MCRIP1: variants seen among roughly 807,000 people sequenced by gnomAD.
MCRIP1 encodes the protein mapk-regulated corepressor-interacting protein 1.
MCRIP1 carries 10 observed loss-of-function variants against 14.4 expected under a neutral mutation model. The ratio of observed to expected loss-of-function variants is 0.70; its 90% CI spans 0.43 to 1.18. The LOEUF is 1.18. MCRIP1 is among the 50% of genes most tolerant of loss of function. The pLI, the probability that MCRIP1 is intolerant of heterozygous loss-of-function variation, is 0.00. For synonymous variants in MCRIP1, 53 were observed against 55.7 expected (o/e 0.95, Z 0.21); for missense variants, 119 against 135.4 (o/e 0.88, Z 0.60).
chr17:81,825,477 A>T, intron 1 of MCRIP1: 1 of 1,201,950 alleles, frequency 8.3e-7, no homozygotes, highest in Non-Finnish European at 1.1e-6. Flanking sequence ...CTTTGAGCAC[A>T]AGCAACTCCC....
chr17:81,824,868 G>GTTTTTTCAT, intron 1 of MCRIP1: 1 of 1,262,488 alleles, frequency 7.9e-7, no homozygotes, highest in Admixed American at 3.9e-5. Flanking sequence ...CCCCAGCACC[G>GTTTTTTCAT]GGAGCACTGT....
chr17:81,826,231 AC>A (rs2038392600), intron 1 of MCRIP1: 1 of 1,353,754 alleles, frequency 7.4e-7, no homozygotes, highest in Non-Finnish European at 1.0e-6. Context: ...GTGTGCACAC[AC>A]ACACACACAC....
rs1252459676 is a variant in MCRIP1 at position 81,823,463 on chromosome 17, G to A, written c.178C>T (p.Arg60Trp). The change falls in exon 4 of 5, where the codon CGG becomes TGG. Residue 60 changes from arginine (R) to tryptophan (W), a missense_variant. Coordinates refer to ENST00000455127, the MANE Select transcript of MCRIP1 (RefSeq NM_207368.5). This position sits in a 1 kb window ranked among gnomAD's most constrained non-coding sequence, Gnocchi z 6.0. ...DLRGQVPGGERGLVEEYVEKV... is the reference protein window; with the variant it reads ...DLRGQVPGGEWGLVEEYVEKV... ...TCCACATACTCCTCCACCAGGCCCC[G>A]CTCGCCACCCGGCACCTGGCCTCGC... 8.5e-6 allele frequency: 13 copies of A among 1,536,506 alleles called. No individual in the cohort carries two copies. Among genetic ancestry groups the A allele is most frequent in the East Asian group, 4.9e-5 (2 of 40,894 alleles).
chr17:81,823,530 T>G lies in MCRIP1; in HGVS notation c.128-17A>C, dbSNP rs562382918. The G allele has an allele frequency of 3.3e-6, 5 of 1,534,548 alleles. No individual in the cohort carries two copies. Among genetic ancestry groups the G allele is most frequent in the Non-Finnish European group, 4.4e-6 (5 of 1,145,906 alleles). On this transcript the variant is annotated splice_polypyrimidine_tract_variant and intron_variant, in intron 3 of 4. Transcript: ENST00000455127. This position sits in a 1 kb window ranked among gnomAD's most constrained non-coding sequence, Gnocchi z 6.0. ...CCTGCCAGGCTGCAGAGGCAGAGAG[T>G]GGTGTGCTCAGGGCCCCCTGCCCCA...
rs370914317 is a variant in MCRIP1, at chr17:81,823,374, G to A, written c.229+38C>T. On this transcript the variant is annotated intron_variant, in intron 4 of 4. Coordinates refer to ENST00000455127, the MANE Select transcript of MCRIP1 (RefSeq NM_207368.5). The surrounding 1 kb of genome is among the most constrained non-coding windows in gnomAD (Gnocchi z 6.0). ...CCCTCCTGCCCATGAGGCCCGGCCTGCCGGCCCAGCCCTGCCCCCAGGTCA... is the reference window on the plus strand; with the variant it reads ...CCCTCCTGCCCATGAGGCCCGGCCTACCGGCCCAGCCCTGCCCCCAGGTCA... 9 of 1,535,738 alleles carry A rather than the reference G, an allele frequency of 5.9e-6. No individual in the cohort carries two copies. The highest frequency in any genetic ancestry group is 7.9e-6 in the Non-Finnish European group (9 of 1,146,098).
intron 1 of MCRIP1, chr17:81,826,548 G>A (rs1050766237): frequency 1.8e-5 from 11 of 606,754 alleles, no homozygotes; most frequent in African/African-American, 1.5e-4. Flanking sequence ...GCCCAGGCAC[G>A]GTGGCTCACG....
At position 81,823,275 on chromosome 17, in the gene MCRIP1, C is replaced by T. The variant is rs1334571454; in HGVS notation, c.266G>A (p.Arg89Gln). ...GGACTTCTTGGCATCCTGCGTGCTCCGGCGCTTCAGGTCACTCAGGTCGAT... is the reference window on the plus strand; with the variant it reads ...GGACTTCTTGGCATCCTGCGTGCTCTGGCGCTTCAGGTCACTCAGGTCGAT... ...KPIDLSDLKR[R>Q]STQDAKKS The change falls in exon 5 of 5, where the codon CGG (arginine) becomes CAG (glutamine). Residue 89 changes from arginine to glutamine, a missense_variant. Transcript: ENST00000455127. This position sits in a 1 kb window ranked among gnomAD's most constrained non-coding sequence, Gnocchi z 6.0. 42 of 1,536,754 alleles carry T rather than the reference C, an allele frequency of 2.7e-5. No individual in the cohort carries two copies. The highest frequency in any genetic ancestry group is 3.4e-4 in the Middle Eastern group (2 of 5,938).
rs940095237 is a variant in MCRIP1 at position 81,825,109 on chromosome 17, G to C, written c.-48-555C>G. On this transcript the variant is annotated intron_variant, in intron 1 of 4. Transcript: ENST00000455127. Reference sequence around the variant, plus strand: ...GGCACCTACCCAGGTCCAGCTTCCTGGTTCCCTAGAGCATGAGCCACATCA... The same window carrying C: ...GGCACCTACCCAGGTCCAGCTTCCTCGTTCCCTAGAGCATGAGCCACATCA... The C allele has an allele frequency of 4.9e-6, 5 of 1,013,260 alleles. No individual in the cohort carries two copies. The African/African-American group carries it at 6.9e-5, about 14-fold the overall frequency. The allele number at this position is 1,013,260 out of a possible 1,614,324, so 62.8% of individuals were successfully genotyped here.
intron 1 of MCRIP1, among the ~76,000 whole-genome samples, chr17:81,831,791 T>C (rs1288546272): frequency 6.6e-6 from 1 of 152,122 alleles, no homozygotes; most frequent in Non-Finnish European, 1.5e-5. Flanking sequence ...CTGCCTCCAC[T>C]CTGCCTGCAC....
At position 81,823,567 on chromosome 17, in the gene MCRIP1, C is replaced by T; in HGVS notation, c.128-54G>A. 6.9e-7 allele frequency: 1 copy of T among 1,449,578 alleles called. No individual in the cohort carries two copies. Among genetic ancestry groups the T allele is most frequent in the Non-Finnish European group, 9.3e-7 (1 of 1,070,086 alleles). 89.8% of individuals were successfully genotyped at this position (1,449,578 alleles called of 1,614,324 possible). On this transcript the variant is annotated intron_variant, in intron 3 of 4. Transcript: ENST00000455127. This position sits in a 1 kb window ranked among gnomAD's most constrained non-coding sequence, Gnocchi z 6.0. ...GGCCCCCTGCCCCAGGGGGTGGCAT[C>T]CACGTCACGAGAGTGCCTGCCCTCA...
Position 81,822,923 on chromosome 17 carries a change from G to A in MCRIP1, c.*324C>T, listed in dbSNP as rs1387230074. 5 of 515,068 alleles carry A rather than the reference G, an allele frequency of 9.7e-6. No individual in the cohort carries two copies. The highest frequency in any genetic ancestry group is 1.8e-5 in the Non-Finnish European group (5 of 285,624). The allele number at this position is 515,068 out of a possible 1,614,324, so 31.9% of individuals were successfully genotyped here. ...CCTCCTGATCCTGCAGTGGCCAGGG[G>A]CAGGAGGGTGAGGGGAGAGGAGAGA... On this transcript the variant is annotated 3_prime_UTR_variant, in exon 5 of 5. Transcript: ENST00000455127.
intron 1 of MCRIP1, chr17:81,825,546 C>G: frequency 7.8e-7 from 1 of 1,282,630 alleles, no homozygotes; most frequent in Non-Finnish European, 1.0e-6. Context: ...GCAGCCCTCA[C>G]AGAGGGCCAG....
intron 1 of MCRIP1, chr17:81,824,962 C>A: frequency 3.7e-6 from 4 of 1,074,110 alleles, no homozygotes; most frequent in Non-Finnish European, 4.5e-6. Flanking sequence ...AGAGGGCCTG[C>A]AGCCCCTCAG....
intron 1 of MCRIP1, chr17:81,826,201 T>C: frequency 3.3e-6 from 5 of 1,515,718 alleles, no homozygotes; most frequent in Non-Finnish European, 3.5e-6. Context: ...CAACTACCCT[T>C]CCGGGGCTCC....
In MCRIP1 at chr17:81,826,916, A is replaced by G. The variant is rs1483858133; in HGVS notation, c.-48-2362T>C. Reference sequence around the variant, plus strand: ...GGGTGGATCACAAGGTCAGGAGTTCAAGACCAGCCTGGCCAATATGGTGAA... The same window carrying G: ...GGGTGGATCACAAGGTCAGGAGTTCGAGACCAGCCTGGCCAATATGGTGAA... On this transcript the variant is annotated intron_variant, in intron 1 of 4. Transcript: ENST00000455127. Among the ~76,000 whole-genome samples, 8 of 151,396 alleles carry G rather than the reference A, an allele frequency of 5.3e-5. No individual in the cohort carries two copies. In the East Asian group the frequency reaches 1.4e-3, roughly 26 times the overall value.
At chr17:81,829,204 C>G (rs931100052) in intron 1 of MCRIP1, among the ~76,000 whole-genome samples, 42 of 151,804 alleles carry the variant, frequency 2.8e-4, no homozygotes, top group African/African-American at 9.9e-4. Flanking sequence ...AGACTGACAC[C>G]TCAGCTGCCC....
In MCRIP1 at chr17:81,823,158, C is replaced by A. The variant is rs1408393597; in HGVS notation, c.*89G>T. The A allele has an allele frequency of 1.4e-5, 18 of 1,298,444 alleles. No homozygotes were observed. The East Asian group carries it at 4.5e-4, about 33-fold the overall frequency. 80.4% of individuals were successfully genotyped at this position (1,298,444 alleles called of 1,614,324 possible). ...TCTGCAGCCCGCTGGAGCAAGGCAC[C>A]CCCATCCCAGGGGCAGGACCACAGG... On this transcript the variant is annotated 3_prime_UTR_variant, in exon 5 of 5. Transcript: ENST00000455127. This position sits in a 1 kb window ranked among gnomAD's most constrained non-coding sequence, Gnocchi z 6.0.
Position 81,825,136 on chromosome 17 carries a change from T to C in MCRIP1, c.-48-582A>G, listed in dbSNP as rs901193111. The C allele has an allele frequency of 5.8e-6, 6 of 1,038,874 alleles. No individual in the cohort carries two copies. The African/African-American group carries it at 8.6e-5, about 15-fold the overall frequency. The allele number at this position is 1,038,874 out of a possible 1,614,324, so 64.4% of individuals were successfully genotyped here. A position where few individuals can be genotyped will look rare whatever the true frequency, so the allele number is the denominator to read the frequency against. ...TTCCCTAGAGCATGAGCCACATCAGTACCCTGGAGATGGAACCAAACTCCA... is the reference window on the plus strand; with the variant it reads ...TTCCCTAGAGCATGAGCCACATCAGCACCCTGGAGATGGAACCAAACTCCA... On this transcript the variant is annotated intron_variant, in intron 1 of 4. Coordinates refer to ENST00000455127, the MANE Select transcript of MCRIP1 (RefSeq NM_207368.5).
chr17:81,822,554 G>C lies in MCRIP1; in HGVS notation c.*693C>G, dbSNP rs2038285430. The C allele has an allele frequency of 6.5e-6, 1 of 153,158 alleles. No individual in the cohort carries two copies. The highest frequency in any genetic ancestry group is 2.4e-5 in the African/African-American group (1 of 41,458). The allele number at this position is 153,158 out of a possible 1,614,324, so 9.5% of individuals were successfully genotyped here. A position where few individuals can be genotyped will look rare whatever the true frequency, so the allele number is the denominator to read the frequency against. Reference sequence around the variant, plus strand: ...CAGAGCCAAGACAGACCCAGCAGCAGCACCTCAGGGTCAGCCTGGGTGCCC... The same window carrying C: ...CAGAGCCAAGACAGACCCAGCAGCACCACCTCAGGGTCAGCCTGGGTGCCC... On this transcript the variant is annotated 3_prime_UTR_variant, in exon 5 of 5. Transcript: ENST00000455127.
Sources: gnomAD v4.1 joint callset for allele counts (sites outside exome capture counted in the v4.1 genomes callset) on GRCh38, gnomAD v4.1.1 for gene constraint, Gnocchi (gnomAD v3.1) non-coding constraint, MANE v1.5 for transcripts, NCBI Gene and HGNC (gene_info 2026-07-23, HGNC 2026-07-21) for gene names.